Variants in CYP2B6 observed in about 807,000 individuals in gnomAD.
CYP2B6 encodes cytochrome P450 2B6.
CYP2B6 carries 35 observed loss-of-function variants against 43.4 expected under a neutral mutation model. The ratio of observed to expected loss-of-function variants is 0.81; its 90% CI spans 0.62 to 1.07. The LOEUF (loss-of-function observed/expected upper bound fraction) is 1.07. CYP2B6 is among the 50% of genes least tolerant of loss of function. The pLI, the probability that CYP2B6 is intolerant of heterozygous loss-of-function variation, is 0.00. For synonymous variants in CYP2B6, 239 were observed against 239.2 expected, an observed-to-expected ratio of 1.00 and a Z score of 0.01; for missense variants, 624 against 632.8, an observed-to-expected ratio of 0.99 and a Z score of 0.15.
In CYP2B6 at chr19:41,004,375, G is replaced by A. The variant is rs1439489043; in HGVS notation, c.413G>A (p.Gly138Glu). 1.2e-6 allele frequency: 2 copies of A among 1,614,042 alleles called. No individual in the cohort carries two copies. Among genetic ancestry groups the A allele is most frequent in the Non-Finnish European group, 1.7e-6 (2 of 1,180,022 alleles). Reference sequence around the variant, plus strand: ...ACCACTATGAGGGACTTCGGGATGGGAAAGCGGAGTGTGGAGGAGCGGATT... The same window carrying A: ...ACCACTATGAGGGACTTCGGGATGGAAAAGCGGAGTGTGGAGGAGCGGATT... ...SVTTMRDFGM[G>E]KRSVEERIQE... The change falls in exon 3 of 9, where the codon GGA (glycine) becomes GAA (glutamate). Residue 138 changes from glycine to glutamate, a missense_variant. Physicochemically the swap from Gly to Glu is moderately conservative, Grantham distance 98. Coordinates refer to ENST00000324071, the MANE Select transcript of CYP2B6 (RefSeq NM_000767.5).
intron 1 of CYP2B6, among the ~76,000 whole-genome samples, chr19:40,993,563 C>G (rs1968955382): frequency 6.6e-6 from 1 of 152,072 alleles, no homozygotes; most frequent in South Asian, 2.1e-4. Context: ...GAAACCGCCC[C>G]CAGGATCCAG....
At chr19:41,014,984 G>C (rs1274885997) in intron 8 of CYP2B6, among the ~76,000 whole-genome samples, 1 of 152,044 alleles carries the variant, frequency 6.6e-6, no homozygotes, top group Non-Finnish European at 1.5e-5. Flanking sequence ...ATCTTTAGAG[G>C]GAGATGAAAA....
chr19:40,995,673 C>T (rs1328414879), intron 1 of CYP2B6, among the ~76,000 whole-genome samples: 54 of 152,140 alleles, frequency 3.5e-4, no homozygotes, highest in Non-Finnish European at 1.2e-4. Context: ...GGGGCATAGG[C>T]CCTCTATTAC....
At position 40,991,356 on chromosome 19, in the gene CYP2B6, ACTC is replaced by A. The variant is rs764040514; in HGVS notation, c.54_56del (p.Leu19del). On this transcript the variant is annotated inframe_deletion, in exon 1 of 9. Coordinates refer to ENST00000324071, the MANE Select transcript of CYP2B6 (RefSeq NM_000767.5). ...TTGCACTCCTCACAGGACTCTTGCT[ACTC>A]CTGGTTCAGCGCCACCCTAACACCC... is the stretch of plus-strand genomic sequence containing the variant. The A allele has an allele frequency of 4.1e-5, 66 of 1,613,624 alleles. No individual in the cohort carries two copies. The highest frequency in any genetic ancestry group is 5.6e-5 in the Non-Finnish European group (66 of 1,179,926).
At chr19:40,999,864 G>A (rs1969056791) in intron 1 of CYP2B6, among the ~76,000 whole-genome samples, 1 of 151,914 alleles carries the variant, frequency 6.6e-6, no homozygotes, top group South Asian at 2.1e-4. Context: ...ATTTATTTTT[G>A]TAGAGATGTG....
chr19:41,005,494 A>T (rs1260733967), intron 3 of CYP2B6, among the ~76,000 whole-genome samples: 9,061 of 151,738 alleles, frequency 0.06, 935 homozygotes, highest in African/African-American at 0.21. Context: ...AAAACAAAAA[A>T]ATATAGGTTG....
intron 1 of CYP2B6, among the ~76,000 whole-genome samples, chr19:41,002,839 G>A (rs11672911): frequency 0.27 from 41,191 of 151,936 alleles, 6,411 homozygotes; most frequent in East Asian, 0.44. Flanking sequence ...GAGTCACCAC[G>A]CCTGGCCCTG....
intron 1 of CYP2B6, 105 bp from the exon 2 acceptor site, chr19:41,003,881 CTGGGGAGGCGGATGT>C (rs1568559762): frequency 7.3e-7 from 1 of 1,379,186 alleles, no homozygotes; most frequent in African/African-American, 1.4e-5. Flanking sequence ...AAAGGGCAGC[CTGGGGAGGCGGATGT>C]TGGGGAGGGG....
chr19:41,016,129 T>G (rs1292632797), intron 8 of CYP2B6, among the ~76,000 whole-genome samples: 2 of 152,104 alleles, frequency 1.3e-5, no homozygotes, highest in Non-Finnish European at 2.9e-5. Context: ...CCGGGTGCAG[T>G]GGCTCATGCC....
At chr19:40,996,043 T>G (rs1442427710) in intron 1 of CYP2B6, among the ~76,000 whole-genome samples, 1 of 152,100 alleles carries the variant, frequency 6.6e-6, no homozygotes, top group Non-Finnish European at 1.5e-5. Context: ...GAGAAAGACA[T>G]GTCTTGCAAC....
intron 3 of CYP2B6, among the ~76,000 whole-genome samples, chr19:41,004,767 T>C (rs144282458): frequency 1.3e-3 from 204 of 152,056 alleles, no homozygotes; most frequent in African/African-American, 4.8e-3. Context: ...GGCAGGAGGA[T>C]TGCTTGAGGC....
At chr19:41,012,905 G>T in intron 8 of CYP2B6, 90 bp downstream of exon 8, 1 of 1,425,878 alleles carries the variant, frequency 7.0e-7, no homozygotes, top group South Asian at 1.1e-5. Context: ...CTGATTATTT[G>T]AGCACTTAAT....
intron 8 of CYP2B6, among the ~76,000 whole-genome samples, chr19:41,015,507 T>C (rs1969347036): frequency 6.6e-6 from 1 of 152,264 alleles, no homozygotes; most frequent in African/African-American, 2.4e-5. Context: ...TATGAAACAC[T>C]GAAGTGAAGG....
intron 6 of CYP2B6, among the ~76,000 whole-genome samples, chr19:41,011,370 A>G (rs1432668588): frequency 3.3e-5 from 5 of 152,174 alleles, no homozygotes; most frequent in Non-Finnish European, 7.4e-5. Context: ...CATTCATGTG[A>G]TTATTCATTA....
At chr19:41,006,739 G>A (rs1969193726) in intron 3 of CYP2B6, among the ~76,000 whole-genome samples, 166 bp from the exon 4 acceptor site, 1 of 152,126 alleles carries the variant, frequency 6.6e-6, no homozygotes, top group African/African-American at 2.4e-5. Flanking sequence ...GTTGTAGTGA[G>A]AGTTCAATGG....
chr19:40,999,947 A>T (rs1194229218), intron 1 of CYP2B6, among the ~76,000 whole-genome samples: 1 of 151,916 alleles, frequency 6.6e-6, no homozygotes, highest in East Asian at 1.9e-4. Context: ...TCCTGCCTCA[A>T]CCTCCCAAAG....
intron 1 of CYP2B6, 45 bp downstream of exon 1, chr19:40,991,521 C>T: frequency 6.2e-7 from 1 of 1,604,244 alleles, no homozygotes; most frequent in Admixed American, 1.7e-5. Context: ...TGCTTCTTGC[C>T]TTGGTACTTG....
intron 8 of CYP2B6, among the ~76,000 whole-genome samples, chr19:41,013,536 C>T (rs1488146853): frequency 1.4e-3 from 220 of 152,234 alleles, no homozygotes; most frequent in African/African-American, 4.7e-3. Flanking sequence ...CGTGATATGG[C>T]ACCATTGAGA....
chr19:40,993,491 G>T (rs186804901), intron 1 of CYP2B6, among the ~76,000 whole-genome samples: 15 of 152,244 alleles, frequency 9.9e-5, no homozygotes, highest in Non-Finnish European at 4.4e-5. Flanking sequence ...AGGGGGAAGA[G>T]CCTCTTATAA....
Sources: allele counts gnomAD v4.1 joint callset (sites outside exome capture counted in the v4.1 genomes callset), GRCh38; gene constraint gnomAD v4.1.1; transcripts MANE v1.5; gene names NCBI Gene and HGNC (gene_info 2026-07-23, HGNC 2026-07-21).